Variants in KHDRBS2 observed in about 807,000 individuals in gnomAD.
The protein encoded by KHDRBS2 is KH domain-containing, RNA-binding, signal transduction-associated protein 2.
A neutral mutation model predicts 44.3 loss-of-function variants in KHDRBS2; 26 were observed. The observed-to-expected ratio is 0.59, with a 90% CI of 0.43 to 0.81. KHDRBS2 has a LOEUF of 0.81. Ranked by LOEUF, KHDRBS2 falls within the 40% of genes least tolerant of loss-of-function variation. The probability of loss-of-function intolerance (pLI) is 0.00; values close to 1 mark genes in which losing one functional copy is unlikely to be tolerated. For synonymous variants in KHDRBS2, 194 were observed against 151.1 expected, an observed-to-expected ratio of 1.28 and a Z score of -2.08; for missense variants, 476 against 433.1, an observed-to-expected ratio of 1.10 and a Z score of -0.88.
chr6:61,754,795 A>AT (rs1778247741), intron 6 of KHDRBS2, among the ~76,000 whole-genome samples: 1 of 152,140 alleles, frequency 6.6e-6, no homozygotes, highest in Admixed American at 6.5e-5. Flanking sequence ...AGATGCATAC[A>AT]TTTAGGGATA....
chr6:61,744,342 G>A (rs543283557), intron 6 of KHDRBS2, among the ~76,000 whole-genome samples: 1 of 152,186 alleles, frequency 6.6e-6, no homozygotes, highest in East Asian at 1.9e-4. Flanking sequence ...TTGCAGGGTA[G>A]GAACAGTGAG....
In KHDRBS2 at chr6:61,797,154, A is replaced by T. The variant is rs1215934472; in HGVS notation, c.811-64390T>A. ...GAACCTAGCTGAACATATATTTTTGACCACAAAAAGGAGGAAAGCGGAGGT... is the reference window on the plus strand; with the variant it reads ...GAACCTAGCTGAACATATATTTTTGTCCACAAAAAGGAGGAAAGCGGAGGT... On this transcript the variant is annotated intron_variant, in intron 6 of 8. Transcript: ENST00000281156. 3.3e-5 allele frequency among the ~76,000 whole-genome samples: 5 copies of T among 152,138 alleles called. No individual in the cohort carries two copies. The South Asian group carries it at 6.2e-4, about 19-fold the overall frequency.
intron 4 of KHDRBS2, among the ~76,000 whole-genome samples, chr6:61,929,209 C>A (rs1371827970): frequency 6.6e-6 from 1 of 151,962 alleles, no homozygotes; most frequent in Non-Finnish European, 1.5e-5. Context: ...AGCCATAAAG[C>A]AAATATGGGG....
the KHDRBS2 span, among the ~76,000 whole-genome samples, chr6:61,670,484 C>T: frequency 6.6e-5 from 10 of 151,334 alleles, no homozygotes; most frequent in Admixed American, 3.3e-4. Flanking sequence ...TCATAAACCC[C>T]TAACAAGAAA....
chr6:62,169,171 GTA>G (rs538963000), intron 2 of KHDRBS2, among the ~76,000 whole-genome samples: 2 of 134,474 alleles, frequency 1.5e-5, no homozygotes, highest in Admixed American at 7.4e-5. Flanking sequence ...ACACATATAT[GTA>G]TATATGTATA....
At chr6:61,674,452 C>T in the KHDRBS2 span, among the ~76,000 whole-genome samples, 1 of 151,704 alleles carries the variant, frequency 6.6e-6, no homozygotes, top group Non-Finnish European at 1.5e-5. Context: ...TGTGACACTA[C>T]TTCCTCTTCT....
chr6:61,610,215 GA>G, the KHDRBS2 span, among the ~76,000 whole-genome samples: 2 of 126,556 alleles, frequency 1.6e-5, no homozygotes. Flanking sequence ...AACAAAACTT[GA>G]AAAAACTTTG....
At chr6:61,717,599 G>C (rs910874777) in intron 7 of KHDRBS2, among the ~76,000 whole-genome samples, 4 of 152,074 alleles carry the variant, frequency 2.6e-5, no homozygotes, top group African/African-American at 9.7e-5. Context: ...TGACTTTATA[G>C]TGAATAGTGC....
chr6:62,072,347 C>G (rs948800093), intron 2 of KHDRBS2, among the ~76,000 whole-genome samples: 1 of 152,176 alleles, frequency 6.6e-6, no homozygotes, highest in African/African-American at 2.4e-5. Flanking sequence ...CTTCTCCTGC[C>G]TGATTGCCCT....
chr6:61,969,072 C>T (rs1246867994), intron 4 of KHDRBS2, among the ~76,000 whole-genome samples: 1 of 152,002 alleles, frequency 6.6e-6, no homozygotes, highest in Non-Finnish European at 1.5e-5. Flanking sequence ...AATGAATCCA[C>T]ATAGGTATTG....
At chr6:61,738,332 G>A (rs977689596) in intron 6 of KHDRBS2, among the ~76,000 whole-genome samples, 4 of 151,898 alleles carry the variant, frequency 2.6e-5, no homozygotes, top group Non-Finnish European at 5.9e-5. Context: ...AAATACTCAA[G>A]GAGATATGAT....
At chr6:61,756,762 A>G (rs1778552194) in intron 6 of KHDRBS2, among the ~76,000 whole-genome samples, 1 of 152,254 alleles carries the variant, frequency 6.6e-6, no homozygotes, top group Non-Finnish European at 1.5e-5. Context: ...ACTAGTGTGT[A>G]GACACAGGTA....
chr6:62,007,565 G>T (rs1244477356), intron 3 of KHDRBS2, among the ~76,000 whole-genome samples: 2 of 151,894 alleles, frequency 1.3e-5, no homozygotes, highest in African/African-American at 4.8e-5. Flanking sequence ...TAATTATTGT[G>T]TCTTAAAAAA....
intron 1 of KHDRBS2, among the ~76,000 whole-genome samples, chr6:62,275,747 T>C (rs550208295): frequency 6.6e-6 from 1 of 152,274 alleles, no homozygotes; most frequent in African/African-American, 2.4e-5. Flanking sequence ...TTTCAATGTA[T>C]AATGGCTGCT....
At chr6:62,167,429 G>A (rs1818930616) in intron 2 of KHDRBS2, among the ~76,000 whole-genome samples, 1 of 152,048 alleles carries the variant, frequency 6.6e-6, no homozygotes, top group Non-Finnish European at 1.5e-5. Context: ...TTAAAAGGAT[G>A]GGTAATCAGA....
the KHDRBS2 span, among the ~76,000 whole-genome samples, chr6:61,627,049 C>A: frequency 6.6e-6 from 1 of 151,544 alleles, no homozygotes; most frequent in East Asian, 1.9e-4. Context: ...GTCAGGAGAT[C>A]GAGACCATCC....
chr6:61,764,555 T>C (rs72878818), intron 6 of KHDRBS2, among the ~76,000 whole-genome samples: 57,975 of 152,010 alleles, frequency 0.38, 12,140 homozygotes, highest in African/African-American at 0.57. Flanking sequence ...TCTTGACATT[T>C]TAATAATTGC....
chr6:61,583,575 A>G, the KHDRBS2 span, among the ~76,000 whole-genome samples: 443 of 151,782 alleles, frequency 2.9e-3, no homozygotes, highest in African/African-American at 0.01. Flanking sequence ...CCATTGGCCT[A>G]TTTGTTCATC....
intron 4 of KHDRBS2, among the ~76,000 whole-genome samples, chr6:61,918,581 C>G (rs1368135466): frequency 6.6e-6 from 1 of 151,938 alleles, no homozygotes; most frequent in African/African-American, 2.4e-5. Flanking sequence ...AGAGATCCCT[C>G]ACCAGAACCC....
Sources: gnomAD v4.1 joint callset for allele counts (sites outside exome capture counted in the v4.1 genomes callset) on GRCh38, gnomAD v4.1.1 for gene constraint, MANE v1.5 for transcripts, NCBI Gene and HGNC (gene_info 2026-07-23, HGNC 2026-07-21) for gene names.